Variants in ROBO2 observed in about 807,000 individuals in gnomAD.
ROBO2 encodes the protein roundabout homolog 2.
ROBO2 carries 53 observed loss-of-function variants against 160.8 expected under a neutral mutation model. The ratio of observed to expected loss-of-function variants is 0.33; its 90% confidence interval spans 0.26 to 0.41. ROBO2 has a LOEUF of 0.41. Among genes scored for constraint, ROBO2 ranks in the 10% least tolerant of loss-of-function variants. The probability of loss-of-function intolerance (pLI) is 1.00; values close to 1 mark genes in which losing one functional copy is unlikely to be tolerated. For synonymous variants in ROBO2, 664 were observed against 611.7 expected (o/e 1.09, Z -1.26); for missense variants, 1,577 against 1,722.4 (o/e 0.92, Z 1.49).
chr3:77,304,550 C>T (rs1404499558), intron 2 of ROBO2, among the ~76,000 whole-genome samples: 3 of 152,126 alleles, frequency 2.0e-5, no homozygotes, highest in South Asian at 4.1e-4. Context: ...ACTCAACTTA[C>T]AAATGTCAAA....
chr3:76,704,635 G>A (rs2093121042), intron 2 of ROBO2, among the ~76,000 whole-genome samples: 1 of 152,072 alleles, frequency 6.6e-6, no homozygotes, highest in Non-Finnish European at 1.5e-5. Context: ...GGGTCCTAGG[G>A]ATAAGGAACC....
intron 2 of ROBO2, among the ~76,000 whole-genome samples, chr3:76,100,999 C>T (rs1576859294): frequency 2.0e-5 from 3 of 151,594 alleles, no homozygotes; most frequent in African/African-American, 7.3e-5. Flanking sequence ...TAATTGAAAA[C>T]ATTTTAATTG....
chr3:76,625,262 T>C (rs908098006), intron 2 of ROBO2, among the ~76,000 whole-genome samples: 27 of 152,202 alleles, frequency 1.8e-4, no homozygotes, highest in Non-Finnish European at 3.5e-4. Flanking sequence ...CACGGCTTTT[T>C]TTCATTTTCT....
intron 2 of ROBO2, among the ~76,000 whole-genome samples, chr3:77,388,599 T>C (rs2074379619): frequency 6.6e-6 from 1 of 152,212 alleles, no homozygotes; most frequent in South Asian, 2.1e-4. Flanking sequence ...CTAATGTTTT[T>C]AATTTTTATT....
chr3:76,871,714 T>C (rs145319411), intron 2 of ROBO2, among the ~76,000 whole-genome samples: 74 of 152,334 alleles, frequency 4.9e-4, no homozygotes, highest in Admixed American at 2.2e-3. Flanking sequence ...ATGTCATGAT[T>C]GTTACCTATT....
chr3:76,626,881 G>A (rs946418464), intron 2 of ROBO2, among the ~76,000 whole-genome samples: 2 of 151,950 alleles, frequency 1.3e-5, no homozygotes, highest in Admixed American at 6.6e-5. Flanking sequence ...TAGTGGAGAC[G>A]AAGTTTCACC....
chr3:77,388,551 A>G (rs1177880874), intron 2 of ROBO2, among the ~76,000 whole-genome samples: 4 of 152,046 alleles, frequency 2.6e-5, no homozygotes, highest in Non-Finnish European at 2.9e-5. Flanking sequence ...CATTTCTCAA[A>G]TTATTTTAAA....
intron 2 of ROBO2, among the ~76,000 whole-genome samples, chr3:76,216,505 C>A (rs1249600846): frequency 6.6e-6 from 1 of 152,046 alleles, no homozygotes; most frequent in Admixed American, 6.5e-5. Flanking sequence ...ACATGGGTTG[C>A]AATCCTAGTC....
chr3:76,836,077 C>T (rs1031094738), intron 2 of ROBO2, among the ~76,000 whole-genome samples: 8 of 151,910 alleles, frequency 5.3e-5, no homozygotes, highest in African/African-American at 1.9e-4. Flanking sequence ...ATTATGACTT[C>T]TATTTGATTA....
chr3:76,691,924 AC>A (rs1273593263), intron 2 of ROBO2, among the ~76,000 whole-genome samples: 2 of 152,164 alleles, frequency 1.3e-5, no homozygotes, highest in Non-Finnish European at 2.9e-5. Flanking sequence ...ATTTAGGAGA[AC>A]TGATCATTTC....
chr3:77,595,103 C>A (rs1559687478), intron 17 of ROBO2, 39 bp from the exon 19 acceptor site: 3 of 1,546,056 alleles, frequency 1.9e-6, no homozygotes, highest in Non-Finnish European at 2.7e-6. Flanking sequence ...ATATTGACTA[C>A]TTGTGTGTGC....
chr3:77,517,593 A>T (rs2090154089), intron 5 of ROBO2, among the ~76,000 whole-genome samples: 1 of 151,406 alleles, frequency 6.6e-6, no homozygotes, highest in Non-Finnish European at 1.5e-5. Context: ...ACATAAAATA[A>T]CTGCTGTTAC....
intron 2 of ROBO2, among the ~76,000 whole-genome samples, chr3:76,230,383 C>T (rs1704550591): frequency 6.6e-6 from 1 of 152,036 alleles, no homozygotes. Context: ...TTTGTCCTTC[C>T]AAAGGCTAGG....
At chr3:76,629,320 A>T (rs2089878937) in intron 2 of ROBO2, among the ~76,000 whole-genome samples, 2 of 152,174 alleles carry the variant, frequency 1.3e-5, no homozygotes, top group Non-Finnish European at 2.9e-5. Flanking sequence ...GGTTCTCTAG[A>T]GGGACAGAAC....
chr3:77,288,588 C>G (rs1177893964), intron 2 of ROBO2, among the ~76,000 whole-genome samples: 1 of 152,176 alleles, frequency 6.6e-6, no homozygotes, highest in Non-Finnish European at 1.5e-5. Flanking sequence ...GCCCACAGGT[C>G]TGACACTCTC....
chr3:77,525,560 A>G (rs926222009), intron 6 of ROBO2, among the ~76,000 whole-genome samples: 4 of 151,234 alleles, frequency 2.6e-5, no homozygotes, highest in African/African-American at 9.7e-5. Context: ...TTAATTTATT[A>G]TTAATAAAAC....
At chr3:76,091,668 A>G (rs1020121964) in intron 2 of ROBO2, among the ~76,000 whole-genome samples, 2 of 152,224 alleles carry the variant, frequency 1.3e-5, no homozygotes, top group Non-Finnish European at 2.9e-5. Flanking sequence ...AAAATTTGGA[A>G]GCAACTAAGA....
At chr3:77,108,312 GTATACACA>G in intron 2 of ROBO2, among the ~76,000 whole-genome samples, 1 of 146,676 alleles carries the variant, frequency 6.8e-6, no homozygotes, top group Non-Finnish European at 1.5e-5. Flanking sequence ...ATATATATAT[GTATACACA>G]TATGCATATA....
intron 2 of ROBO2, among the ~76,000 whole-genome samples, chr3:76,553,616 G>A (rs1228919155): frequency 1.3e-5 from 2 of 152,052 alleles, no homozygotes; most frequent in Non-Finnish European, 2.9e-5. Context: ...CATCACTATG[G>A]ATCCTGGAAC....
Sources: gnomAD v4.1 joint callset for allele counts (sites outside exome capture counted in the v4.1 genomes callset) on GRCh38, gnomAD v4.1.1 for gene constraint, MANE v1.5 for transcripts, NCBI Gene and HGNC (gene_info 2026-07-23, HGNC 2026-07-21) for gene names.